The following SYT1 variants were observed in gnomAD, a reference collection of about 807,000 sequenced individuals.
The protein encoded by SYT1 is synaptotagmin-1.
In SYT1, 8 loss-of-function variants were observed where a neutral mutation model predicts 44.8. That is an observed-to-expected ratio of 0.18 (90% confidence interval 0.10 to 0.32). The LOEUF (loss-of-function observed/expected upper bound fraction) is 0.32. Among genes scored for constraint, SYT1 ranks in the 10% least tolerant of loss-of-function variants. The pLI is 1.00. For synonymous variants in SYT1, 154 were observed against 188.8 expected (o/e 0.82, Z 1.51); for missense variants, 286 against 509.3 (o/e 0.56, Z 4.22).
At chr12:78,973,941 ATATATATATATATATATATATAT>A (rs1565744035) in intron 1 of SYT1, among the ~76,000 whole-genome samples, 223 of 10,742 alleles carry the variant, frequency 0.021, 22 homozygotes, top group Middle Eastern at 0.17. Flanking sequence ...AAAAAAAAAT[ATATATATATATATATATATATAT>A]ATATATATAT....
intron 3 of SYT1, among the ~76,000 whole-genome samples, chr12:79,092,168 T>C (rs1786824050): frequency 6.6e-6 from 1 of 151,876 alleles, no homozygotes; most frequent in Non-Finnish European, 1.5e-5. Flanking sequence ...AAATCAACCA[T>C]GTTAATTATT....
In SYT1 at chr12:79,047,333, A is replaced by G. The variant is rs551266654; in HGVS notation, c.-47A>G. On this transcript the variant is annotated 5_prime_UTR_variant, in exon 3 of 11. Transcript: ENST00000261205. ...AATTCTGAAAGAAAGAAAACAAAGAAAAACATACTCCAGAATTCCTAATAG... is the reference window on the plus strand; with the variant it reads ...AATTCTGAAAGAAAGAAAACAAAGAGAAACATACTCCAGAATTCCTAATAG... 6.6e-6 allele frequency: 1 copy of G among 152,016 alleles called. No individual in the cohort carries two copies. The highest frequency in any genetic ancestry group is 1.9e-4 in the East Asian group (1 of 5,182). 9.4% of individuals were successfully genotyped at this position (152,016 alleles called of 1,614,324 possible).
chr12:79,130,386 T>C (rs1730980496), intron 3 of SYT1, among the ~76,000 whole-genome samples: 1 of 152,226 alleles, frequency 6.6e-6, no homozygotes, highest in Non-Finnish European at 1.5e-5. Flanking sequence ...ATGCATTATA[T>C]TGTCCACCAT....
At chr12:79,276,931 AAGG>A (rs1366219160) in intron 4 of SYT1, among the ~76,000 whole-genome samples, 1 of 151,006 alleles carries the variant, frequency 6.6e-6, no homozygotes, top group African/African-American at 2.4e-5. Context: ...ATGATGAAGG[AAGG>A]AGAAGAAGAA....
intron 8 of SYT1, among the ~76,000 whole-genome samples, chr12:79,340,509 A>G (rs557159719): frequency 6.7e-6 from 1 of 149,750 alleles, no homozygotes; most frequent in Admixed American, 6.6e-5. Flanking sequence ...GTGATTTTGC[A>G]TATTGATTTT....
intron 3 of SYT1, among the ~76,000 whole-genome samples, chr12:79,138,655 G>C (rs893461721): frequency 6.6e-6 from 1 of 151,988 alleles, no homozygotes; most frequent in African/African-American, 2.4e-5. Context: ...GTGTGTGTGT[G>C]CATGTGTGTG....
intron 3 of SYT1, among the ~76,000 whole-genome samples, chr12:79,192,372 A>G (rs1239032228): frequency 6.6e-6 from 1 of 152,196 alleles, no homozygotes; most frequent in African/African-American, 2.4e-5. Flanking sequence ...GAATTGACCT[A>G]TGCAGATGCC....
At chr12:78,924,441 T>G (rs1475134558) in intron 1 of SYT1, among the ~76,000 whole-genome samples, 1 of 151,710 alleles carries the variant, frequency 6.6e-6, no homozygotes, top group East Asian at 1.9e-4. Flanking sequence ...TGTGAATTCT[T>G]ATGATGATTG....
intron 4 of SYT1, among the ~76,000 whole-genome samples, chr12:79,283,655 T>C (rs1435882724): frequency 1.3e-5 from 2 of 152,174 alleles, no homozygotes; most frequent in African/African-American, 4.8e-5. Context: ...GGATTTTAAC[T>C]AAATCAATGG....
At chr12:78,897,775 C>T (rs1358995672) in intron 1 of SYT1, among the ~76,000 whole-genome samples, 2 of 151,986 alleles carry the variant, frequency 1.3e-5, no homozygotes, top group Admixed American at 1.3e-4. Context: ...CATTCTTTTT[C>T]CAGTGGTTTT....
At chr12:79,053,457 T>C (rs1204548821) in intron 3 of SYT1, among the ~76,000 whole-genome samples, 1 of 151,800 alleles carries the variant, frequency 6.6e-6, no homozygotes, top group Non-Finnish European at 1.5e-5. Flanking sequence ...TGTATACATA[T>C]GTAACAAACC....
At chr12:79,418,749 A>G (rs946978144) in intron 9 of SYT1, among the ~76,000 whole-genome samples, 1 of 152,214 alleles carries the variant, frequency 6.6e-6, no homozygotes, top group Non-Finnish European at 1.5e-5. Context: ...TTGACAAGAA[A>G]GGCCAGCAGT....
intron 3 of SYT1, among the ~76,000 whole-genome samples, chr12:79,055,272 T>C (rs1239657366): frequency 6.6e-6 from 1 of 152,042 alleles, no homozygotes; most frequent in Non-Finnish European, 1.5e-5. Context: ...TATTAATCTT[T>C]GATTTGTAAG....
chr12:78,924,137 A>G (rs773451978), intron 1 of SYT1, among the ~76,000 whole-genome samples: 26 of 151,908 alleles, frequency 1.7e-4, no homozygotes, highest in Non-Finnish European at 3.5e-4. Context: ...TGGTGGCAAT[A>G]CCACAGAAGT....
At chr12:79,390,296 A>G (rs1884607129) in intron 9 of SYT1, among the ~76,000 whole-genome samples, 1 of 152,192 alleles carries the variant, frequency 6.6e-6, no homozygotes, top group African/African-American at 2.4e-5. Context: ...TATTTTGCCA[A>G]ATCATTTATT....
At position 78,911,194 on chromosome 12, in the gene SYT1, A is replaced by T. The variant is rs577978394; in HGVS notation, c.-217+46085A>T. Among the ~76,000 whole-genome samples the T allele has an allele frequency of 2.6e-5, 4 of 152,136 alleles. 1 individual carries two copies. In the South Asian group the frequency reaches 8.3e-4, roughly 31 times the overall value. ...TGAGTTTTCTGGCTTGTACAACTAG[A>T]CGGATGTGGGTGTTATTCATTGAGA... On this transcript the variant is annotated intron_variant, in intron 1 of 10. Coordinates refer to ENST00000261205, the MANE Select transcript of SYT1 (RefSeq NM_005639.3).
At chr12:79,138,622 A>G (rs1486883935) in intron 3 of SYT1, among the ~76,000 whole-genome samples, 3 of 152,218 alleles carry the variant, frequency 2.0e-5, no homozygotes, top group Non-Finnish European at 4.4e-5. Flanking sequence ...AGGATTAAAT[A>G]CAAATACACA....
chr12:79,350,816 G>A (rs561194562), intron 8 of SYT1, among the ~76,000 whole-genome samples: 166 of 152,252 alleles, frequency 1.1e-3, no homozygotes, highest in Non-Finnish European at 1.6e-3. Context: ...GTATAAATTG[G>A]ATATTTTCCT....
intron 4 of SYT1, among the ~76,000 whole-genome samples, chr12:79,246,304 T>A (rs1254278239): frequency 3.3e-5 from 5 of 152,198 alleles, no homozygotes; most frequent in African/African-American, 4.8e-5. Flanking sequence ...CTTTCACCCA[T>A]CAGCTTCGCA....
Sources: gnomAD v4.1 joint callset for allele counts (sites outside exome capture counted in the v4.1 genomes callset) on GRCh38, gnomAD v4.1.1 for gene constraint, MANE v1.5 for transcripts, NCBI Gene and HGNC (gene_info 2026-07-23, HGNC 2026-07-21) for gene names.